Variants in PIKFYVE observed in about 807,000 individuals in gnomAD.
The protein encoded by PIKFYVE is phosphoinositide kinase, FYVE-type zinc finger containing.
Under a neutral mutation model 257.9 loss-of-function variants are expected in PIKFYVE, and 122 were observed. The observed-to-expected ratio is 0.47, with a 90% CI of 0.41 to 0.55. The LOEUF (loss-of-function observed/expected upper bound fraction) is 0.55. Among genes scored for constraint, PIKFYVE ranks in the 20% least tolerant of loss-of-function variants. The pLI is 0.00. For synonymous variants in PIKFYVE, 892 were observed against 868.9 expected (o/e 1.03, Z -0.47); for missense variants, 2,160 against 2,536.6 (o/e 0.85, Z 3.19).
intron 1 of PIKFYVE, among the ~76,000 whole-genome samples, chr2:208,267,909 G>A (rs1270448182): frequency 1.3e-5 from 2 of 152,220 alleles, no homozygotes; most frequent in East Asian, 1.9e-4. Flanking sequence ...CTCCCAAAGT[G>A]CTGGGATCAC....
intron 23 of PIKFYVE, 115 bp downstream of exon 23, chr2:208,330,809 C>T: frequency 2.9e-6 from 3 of 1,045,858 alleles, no homozygotes; most frequent in Non-Finnish European, 4.2e-6. Context: ...TGTTATAGAG[C>T]TCTATTTGTC....
chr2:208,275,950 AC>A (rs1486536333), intron 3 of PIKFYVE, among the ~76,000 whole-genome samples: 1 of 152,166 alleles, frequency 6.6e-6, no homozygotes, highest in Non-Finnish European at 1.5e-5. Flanking sequence ...TGGTGGGCAT[AC>A]CCTATTTTGG....
chr2:208,298,249 TA>T (rs574289989), intron 7 of PIKFYVE, among the ~76,000 whole-genome samples: 315 of 150,642 alleles, frequency 2.1e-3, no homozygotes, highest in South Asian at 6.1e-3. Context: ...TATTTGTTAT[TA>T]AAAAAAAAAT....
At chr2:208,302,540 A>G (rs1028522861) in intron 10 of PIKFYVE, 187 bp downstream of exon 10, 1 of 592,292 alleles carries the variant, frequency 1.7e-6, no homozygotes, top group Non-Finnish European at 3.0e-6. Flanking sequence ...CATTAGAATC[A>G]AACATTTTAT....
At chr2:208,306,249 A>G (rs908983697) in intron 12 of PIKFYVE, among the ~76,000 whole-genome samples, 1 of 152,238 alleles carries the variant, frequency 6.6e-6, no homozygotes, top group African/African-American at 2.4e-5. Flanking sequence ...GAAATCCTCA[A>G]AACAGAAATT....
intron 28 of PIKFYVE, among the ~76,000 whole-genome samples, chr2:208,337,807 T>C (rs1559153614): frequency 6.6e-6 from 1 of 152,110 alleles, no homozygotes; most frequent in Non-Finnish European, 1.5e-5. Context: ...CTGCAACCTC[T>C]GCCTTCCGAG....
At chr2:208,353,838 C>T (rs1307570234) in intron 39 of PIKFYVE, 60 bp from the exon 40 acceptor site, 11 of 1,588,580 alleles carry the variant, frequency 6.9e-6, no homozygotes, top group Middle Eastern at 1.7e-4. Context: ...TATTTACTTA[C>T]ATTAACTAAT....
rs762106865 is a variant in PIKFYVE at position 208,326,079 on chromosome 2, C to T, written c.3268C>T (p.Leu1090Phe). 26 of 1,614,034 alleles carry T rather than the reference C, an allele frequency of 1.6e-5. No individual in the cohort carries two copies. In the South Asian group the frequency reaches 2.9e-4, roughly 18 times the overall value. ...TGCAGAGCAGGTTTACTGGTCTCCT[C>T]TCCTCAATAAAGAATTCAAAGAAAT... ...YFAEQVYWSP[L>F]LNKEFKEMEN... Residue 1090 changes from leucine (L) to phenylalanine (F), a missense_variant, in exon 20 of 42, where the codon CTC (leucine) becomes TTC (phenylalanine). Coordinates refer to ENST00000264380, the MANE Select transcript of PIKFYVE (RefSeq NM_015040.4).
At chr2:208,268,408 T>C (rs1688950239) in intron 1 of PIKFYVE, among the ~76,000 whole-genome samples, 1 of 149,448 alleles carries the variant, frequency 6.7e-6, no homozygotes, top group Non-Finnish European at 1.5e-5. Context: ...CACATTATCG[T>C]TTCTCTCCAG....
Position 208,340,040 on chromosome 2 carries a change from A to G in PIKFYVE, c.4840A>G (p.Thr1614Ala). ...DVFDGHLLGSTDSQVKEKSTM... is the reference protein window; with the variant it reads ...DVFDGHLLGSADSQVKEKSTM... ...GTTTGATGGGCATTTGCTGGGATCCACAGACAGCCAAGTGAAGGAAAAGTC... is the reference window on the plus strand; with the variant it reads ...GTTTGATGGGCATTTGCTGGGATCCGCAGACAGCCAAGTGAAGGAAAAGTC... Residue 1614 changes from threonine (T) to alanine (A), a missense_variant, in exon 31 of 42, where the codon ACA (threonine) becomes GCA (alanine). Coordinates refer to ENST00000264380, the MANE Select transcript of PIKFYVE (RefSeq NM_015040.4). 6.2e-7 allele frequency: 1 copy of G among 1,613,962 alleles called. No individual in the cohort carries two copies. The highest frequency in any genetic ancestry group is 2.2e-5 in the East Asian group (1 of 44,854).
intron 37 of PIKFYVE, 107 bp from the exon 38 acceptor site, chr2:208,351,245 C>T (rs1294368714): frequency 2.0e-6 from 2 of 1,024,088 alleles, no homozygotes; most frequent in African/African-American, 3.2e-5. Context: ...AGAAAATTCC[C>T]CTTAAAATCA....
intron 10 of PIKFYVE, among the ~76,000 whole-genome samples, chr2:208,303,126 A>G (rs975988625): frequency 2.0e-5 from 3 of 152,096 alleles, no homozygotes; most frequent in Non-Finnish European, 4.4e-5. Flanking sequence ...ACTGATGAAT[A>G]TATGTTTTTT....
chr2:208,325,657 C>G lies in PIKFYVE; in HGVS notation c.2846C>G (p.Ala949Gly), dbSNP rs768779973. ...GEQENKNLPQ[A>G]VASVKHQEHS... ...CAGGAAAATAAAAATCTTCCGCAGGCTGTTGCCTCTGTGAAGCATCAAGAA... is the reference window on the plus strand; with the variant it reads ...CAGGAAAATAAAAATCTTCCGCAGGGTGTTGCCTCTGTGAAGCATCAAGAA... The change falls in exon 20 of 42, where the codon GCT (alanine) becomes GGT (glycine). Residue 949 changes from alanine (A) to glycine (G), a missense_variant. Physicochemically the swap from Ala to Gly is moderately conservative, Grantham distance 60 (BLOSUM62 0). This residue lies in a region of PIKFYVE where 522 missense variants were observed against 514.6 expected (regional missense o/e 1.01). Coordinates refer to ENST00000264380, the MANE Select transcript of PIKFYVE (RefSeq NM_015040.4). 15 of 1,614,134 alleles carry G rather than the reference C, an allele frequency of 9.3e-6. No homozygotes were observed. The highest frequency in any genetic ancestry group is 1.3e-5 in the Non-Finnish European group (15 of 1,180,032).
intron 23 of PIKFYVE, 49 bp downstream of exon 23, chr2:208,330,743 T>C: frequency 6.6e-7 from 1 of 1,518,742 alleles, no homozygotes; most frequent in Non-Finnish European, 8.8e-7. Flanking sequence ...TTTCTTTATT[T>C]GTATGTTTTT....
chr2:208,271,581 C>T lies in PIKFYVE; in HGVS notation c.62C>T (p.Pro21Leu). 6.2e-7 allele frequency: 1 copy of T among 1,614,142 alleles called. No homozygotes were observed. ...LDSANDLPRS[P>L]TSPSHLTHFK... is the part of the protein sequence containing the mutation. ...TCTGCTAATGATTTGCCTCGATCTCCTACTAGTCCTTCTCATCTCACACAC... is the reference window on the plus strand; with the variant it reads ...TCTGCTAATGATTTGCCTCGATCTCTTACTAGTCCTTCTCATCTCACACAC... The change falls in exon 2 of 42, where the codon CCT becomes CTT. Residue 21 changes from proline to leucine, a missense_variant. Physicochemically the swap from Pro to Leu is moderately conservative, Grantham distance 98 (BLOSUM62 -3). This residue lies in a region of PIKFYVE where 172 missense variants were observed against 180.6 expected (regional missense o/e 0.95). Transcript: ENST00000264380.
intron 35 of PIKFYVE, among the ~76,000 whole-genome samples, chr2:208,348,449 T>C (rs553440081): frequency 3.3e-5 from 5 of 152,262 alleles, no homozygotes; most frequent in African/African-American, 1.2e-4. Flanking sequence ...CATTTTGACA[T>C]TTAAAAATTA....
At chr2:208,304,032 T>C in intron 10 of PIKFYVE, 139 bp from the exon 11 acceptor site, 1 of 1,129,846 alleles carries the variant, frequency 8.9e-7, no homozygotes, top group Non-Finnish European at 1.3e-6. Context: ...TAACTTGGTT[T>C]TTGTTAATTT....
intron 3 of PIKFYVE, chr2:208,274,103 G>A: frequency 6.3e-7 from 1 of 1,575,418 alleles, no homozygotes; most frequent in African/African-American, 1.3e-5. Flanking sequence ...TGGGGTGCTA[G>A]TGAAATGTGA....
rs776774897 is a variant in PIKFYVE, at chr2:208,315,281, T to C, written c.1915T>C (p.Ser639Pro). 5 of 1,614,132 alleles carry C rather than the reference T, an allele frequency of 3.1e-6. No individual in the cohort carries two copies. The East Asian group carries it at 1.1e-4, about 36-fold the overall frequency. Residue 639 changes from serine to proline, a missense_variant, in exon 15 of 42, where the codon TCA (serine) becomes CCA (proline). Ser to Pro is a moderately conservative substitution (Grantham distance 74). Around this residue, in one of 12 missense-constraint regions of PIKFYVE, gnomAD observed 346 missense variants for 365.6 expected, o/e 0.95. Transcript: ENST00000264380. ...ATCATCTTGGAGGGACATCATCGTG[T>C]CATTGGTCTGCCAGGTTGTTCAGAC... ...LSSSWRDIIV[S>P]LVCQVVQTVR...
Sources: allele counts gnomAD v4.1 joint callset (sites outside exome capture counted in the v4.1 genomes callset), GRCh38; gene constraint gnomAD v4.1.1; regional missense constraint gnomAD v4.1.1; transcripts MANE v1.5; gene names NCBI Gene and HGNC (gene_info 2026-07-23, HGNC 2026-07-21).